Variants in DBR1 observed in about 807,000 individuals in gnomAD.
The protein encoded by DBR1 is debranching RNA lariats 1, also known as lariat debranching enzyme.
A neutral mutation model predicts 45.9 loss-of-function variants in DBR1; 33 were observed. The ratio of observed to expected loss-of-function variants is 0.72; its 90% confidence interval spans 0.55 to 0.96. The LOEUF is 0.96. Ranked by LOEUF, DBR1 falls within the 40% of genes least tolerant of loss-of-function variation. DBR1 has a pLI of 0.00. For synonymous variants in DBR1, 235 were observed against 235.9 expected, an observed-to-expected ratio of 1.00 and a Z score of 0.04; for missense variants, 619 against 667.4, an observed-to-expected ratio of 0.93 and a Z score of 0.80.
intron 3 of DBR1, 148 bp downstream of exon 3, chr3:138,171,475 CAAAAAAAAAA>C (rs906867666): frequency 1.1e-4 from 8 of 69,568 alleles, no homozygotes; most frequent in African/African-American, 6.9e-4. Flanking sequence ...AACTCTGTCT[CAAAAAAAAAA>C]AAAAAAAAAA....
rs1351674312 is a variant in DBR1, at chr3:138,161,823, G to T, written c.*66C>A. On this transcript the variant is annotated 3_prime_UTR_variant, in exon 8 of 8. Coordinates refer to ENST00000260803, the MANE Select transcript of DBR1 (RefSeq NM_016216.4). Reference sequence around the variant, plus strand: ...ATCACGCCATTGCACTCCAGTCTAGGTGACAAGAGTGAAACTCCATCTCAA... The same window carrying T: ...ATCACGCCATTGCACTCCAGTCTAGTTGACAAGAGTGAAACTCCATCTCAA... The T allele has an allele frequency of 7.9e-7, 1 of 1,269,644 alleles. No individual in the cohort carries two copies. The highest frequency in any genetic ancestry group is 1.1e-6 in the Non-Finnish European group (1 of 880,350). 78.6% of individuals were successfully genotyped at this position (1,269,644 alleles called of 1,614,324 possible).
rs919798407 is a variant in DBR1 at position 138,161,053 on chromosome 3, C to T, written c.*836G>A. The T allele has an allele frequency of 1.3e-5, 2 of 151,908 alleles. No individual in the cohort carries two copies. Among genetic ancestry groups the T allele is most frequent in the African/African-American group, 4.8e-5 (2 of 41,354 alleles). The allele number at this position is 151,908 out of a possible 1,614,324, so 9.4% of individuals were successfully genotyped here. On this transcript the variant is annotated 3_prime_UTR_variant, in exon 8 of 8. Coordinates refer to ENST00000260803, the MANE Select transcript of DBR1 (RefSeq NM_016216.4). ...GTTTATTTCCTGAAATCTTATATAC[C>T]ATCTTCAATTTCAATTTTTATTTGA...
chr3:138,174,522 G>C (rs1262433576), intron 1 of DBR1, 77 bp downstream of exon 1: 3 of 1,424,240 alleles, frequency 2.1e-6, no homozygotes, highest in Non-Finnish European at 2.9e-6. Context: ...AGGATCTAAG[G>C]GAAACAGGCA....
rs766255395 is a variant in DBR1 at position 138,162,230 on chromosome 3, C to G, written c.1294G>C (p.Asp432His). 3 of 1,614,194 alleles carry G rather than the reference C, an allele frequency of 1.9e-6. No individual in the cohort carries two copies. The highest frequency in any genetic ancestry group is 1.7e-6 in the Non-Finnish European group (2 of 1,180,040). The change falls in exon 8 of 8, where the codon GAT becomes CAT. Residue 432 changes from aspartate (D) to histidine (H), a missense_variant. Coordinates refer to ENST00000260803, the MANE Select transcript of DBR1 (RefSeq NM_016216.4). ...ATACTATCTTCATCTTCTTCTTCAT[C>G]TAACATTATTTCATCTGGATTAATA... ...SSINPDEIML[D>H]EEEDEDSIVS...
chr3:138,163,358 A>C lies in DBR1; in HGVS notation c.932T>G (p.Leu311Arg). Residue 311 changes from leucine to arginine, a missense_variant, in exon 7 of 8, where the codon CTG (leucine) becomes CGG (arginine). Leu to Arg is a moderately radical substitution (Grantham distance 102). Transcript: ENST00000260803. ...RLWNMPENNG[L>R]HARWDYSATE... ...ATAAAGTCTGACTTACCTTGCATGCAGGCCATTATTTTCTGGCATATTCCA... is the reference window on the plus strand; with the variant it reads ...ATAAAGTCTGACTTACCTTGCATGCCGGCCATTATTTTCTGGCATATTCCA... 6.2e-7 allele frequency: 1 copy of C among 1,613,452 alleles called. No homozygotes were observed. Among genetic ancestry groups the C allele is most frequent in the Non-Finnish European group, 8.5e-7 (1 of 1,179,672 alleles).
intron 6 of DBR1, 101 bp downstream of exon 6, chr3:138,163,677 T>C (rs2042917935): frequency 6.8e-6 from 6 of 879,416 alleles, no homozygotes; most frequent in Non-Finnish European, 7.9e-6. Flanking sequence ...TCAGAATACA[T>C]AAATTACAAA....
Position 138,165,496 on chromosome 3 carries a change from G to A in DBR1, c.714+1585C>T, listed in dbSNP as rs192354794. 5.4e-3 allele frequency among the ~76,000 whole-genome samples: 822 copies of A among 152,058 alleles called. 8 individuals are homozygous for A. Among genetic ancestry groups the A allele is most frequent in the African/African-American group, 0.019 (768 of 41,498 alleles). On this transcript the variant is annotated intron_variant, in intron 5 of 7. Transcript: ENST00000260803. ...TGTAATCCCAGCACTTTGGGAGGCC[G>A]AGGCGGGTGGATCACGAGATCAGGA...
At chr3:138,172,878 C>A (rs999653218) in intron 2 of DBR1, among the ~76,000 whole-genome samples, 1 of 152,090 alleles carries the variant, frequency 6.6e-6, no homozygotes, top group African/African-American at 2.4e-5. Flanking sequence ...CCTATTTAAA[C>A]CAATTGTAAA....
Position 138,174,852 on chromosome 3 carries a change from A to C in DBR1, c.-57T>G. 1.3e-6 allele frequency: 2 copies of C among 1,539,668 alleles called. No individual in the cohort carries two copies. Among genetic ancestry groups the C allele is most frequent in the Admixed American group, 3.9e-5 (2 of 51,498 alleles). On this transcript the variant is annotated 5_prime_UTR_variant, in exon 1 of 8. Transcript: ENST00000260803. ...CAACGCCCTACACCACAGCCAGCCC[A>C]GGACCGACTGATCGCTCAGCTCCCG...
intron 4 of DBR1, among the ~76,000 whole-genome samples, chr3:138,169,906 C>T (rs2042946810): frequency 6.6e-6 from 1 of 151,700 alleles, no homozygotes; most frequent in Non-Finnish European, 1.5e-5. Context: ...GCACTTCAGC[C>T]TGGGTGACAT....
chr3:138,170,820 A>C (rs1052481477), intron 3 of DBR1, among the ~76,000 whole-genome samples: 1 of 152,252 alleles, frequency 6.6e-6, no homozygotes, highest in Admixed American at 6.5e-5. Flanking sequence ...GACACAATGA[A>C]ATTAATATGC....
At chr3:138,165,537 G>C (rs929139757) in intron 5 of DBR1, among the ~76,000 whole-genome samples, 28 of 152,088 alleles carry the variant, frequency 1.8e-4, no homozygotes, top group African/African-American at 5.8e-4. Flanking sequence ...AGACCATCCT[G>C]GCTAACACAG....
At chr3:138,171,567 T>C (rs1048396737) in intron 3 of DBR1, 66 bp downstream of exon 3, 5 of 903,752 alleles carry the variant, frequency 5.5e-6, no homozygotes, top group Non-Finnish European at 5.3e-6. Context: ...TCAAAGTACA[T>C]ATCATGCTTA....
Position 138,169,099 on chromosome 3 carries a change from G to T in DBR1, c.489+1008C>A, listed in dbSNP as rs200757610. ...TGCACAGGGCATAAAAGAAACACTTGCAAGAATTGTTAGACTCCTGCAGAG... is the reference window on the plus strand; with the variant it reads ...TGCACAGGGCATAAAAGAAACACTTTCAAGAATTGTTAGACTCCTGCAGAG... On this transcript the variant is annotated intron_variant, in intron 4 of 7. Coordinates refer to ENST00000260803, the MANE Select transcript of DBR1 (RefSeq NM_016216.4). Among the ~76,000 whole-genome samples, 66 of 152,338 alleles carry T rather than the reference G, an allele frequency of 4.3e-4. No individual in the cohort carries two copies. In the East Asian group the frequency reaches 5.6e-3, roughly 13 times the overall value.
chr3:138,168,938 G>C (rs2042942721), intron 4 of DBR1, among the ~76,000 whole-genome samples: 1 of 152,030 alleles, frequency 6.6e-6, no homozygotes, highest in Non-Finnish European at 1.5e-5. Context: ...ACTCCAGCCT[G>C]GGTGACAGAG....
At chr3:138,163,082 G>A (rs577078011) in intron 7 of DBR1, among the ~76,000 whole-genome samples, 10 of 152,228 alleles carry the variant, frequency 6.6e-5, no homozygotes, top group South Asian at 2.1e-4. Context: ...ACATGGGAAA[G>A]CCCCATCTCT....
Position 138,174,597 on chromosome 3 carries a change from A to C in DBR1, c.197+2T>G, listed in dbSNP as rs1232534965. ...CAAGTCCGGGCCCGGCCGCGTCCTCACCTGTAGAAGGTTTGCATGTGACGA... is the reference window on the plus strand; with the variant it reads ...CAAGTCCGGGCCCGGCCGCGTCCTCCCCTGTAGAAGGTTTGCATGTGACGA... On this transcript the variant is annotated splice_donor_variant, in intron 1 of 7. Coordinates refer to ENST00000260803, the MANE Select transcript of DBR1 (RefSeq NM_016216.4). LOFTEE classifies it high-confidence loss of function. 2 of 1,557,888 alleles carry C rather than the reference A, an allele frequency of 1.3e-6. No individual in the cohort carries two copies. Among genetic ancestry groups the C allele is most frequent in the Non-Finnish European group, 1.7e-6 (2 of 1,146,734 alleles).
chr3:138,163,965 T>C, intron 5 of DBR1, 107 bp from the exon 6 acceptor site: 2 of 687,896 alleles, frequency 2.9e-6, no homozygotes, highest in Non-Finnish European at 2.4e-6. Context: ...TACCCCTAAG[T>C]TGTGTGTCAA....
chr3:138,166,513 T>C (rs1207236067), intron 5 of DBR1, among the ~76,000 whole-genome samples: 1 of 152,174 alleles, frequency 6.6e-6, no homozygotes, highest in Non-Finnish European at 1.5e-5. Flanking sequence ...CCATTTTACA[T>C]TACTCCAATC....
Sources: gnomAD v4.1 joint callset for allele counts (sites outside exome capture counted in the v4.1 genomes callset) on GRCh38, gnomAD v4.1.1 for gene constraint, MANE v1.5 for transcripts, NCBI Gene and HGNC (gene_info 2026-07-23, HGNC 2026-07-21) for gene names.